The following SLC36A1 variants were observed in gnomAD, a reference collection of about 807,000 sequenced individuals.
SLC36A1 encodes solute carrier family 36 member 1.
Under a neutral mutation model 47.5 loss-of-function variants are expected in SLC36A1, and 30 were observed. That is an observed-to-expected ratio of 0.63 (90% CI 0.47 to 0.86). SLC36A1 has a LOEUF of 0.86. Among genes scored for constraint, SLC36A1 ranks in the 40% least tolerant of loss-of-function variants. SLC36A1 has a pLI of 0.00. For synonymous variants in SLC36A1, 255 were observed against 249.7 expected (o/e 1.02, Z -0.20); for missense variants, 517 against 606.0 (o/e 0.85, Z 1.54).
the SLC36A1 span, among the ~76,000 whole-genome samples, chr5:151,372,666 T>G: frequency 6.6e-6 from 1 of 152,154 alleles, no homozygotes; most frequent in Admixed American, 6.5e-5. Flanking sequence ...CAGGCTTATC[T>G]TGAACTTCTG....
intron 3 of SLC36A1, among the ~76,000 whole-genome samples, chr5:151,464,150 T>G (rs1755987015): frequency 6.6e-6 from 1 of 152,218 alleles, no homozygotes; most frequent in African/African-American, 2.4e-5. Flanking sequence ...GCAGTCTTTC[T>G]TGATCTGGCA....
chr5:151,350,643 G>C, the SLC36A1 span, among the ~76,000 whole-genome samples: 3 of 150,670 alleles, frequency 2.0e-5, no homozygotes, highest in Non-Finnish European at 4.5e-5. Context: ...TTAAAAAAAA[G>C]AGAATATTTC....
At chr5:151,540,655 A>T in the SLC36A1 span, 1 of 1,614,136 alleles carries the variant, frequency 6.2e-7, no homozygotes, top group Non-Finnish European at 8.5e-7. Context: ...AGATGCTGTG[A>T]CTCTGAGCAA....
chr5:151,347,515 G>A, the SLC36A1 span: 5 of 1,604,152 alleles, frequency 3.1e-6, no homozygotes, highest in Non-Finnish European at 4.3e-6. Context: ...TCTGGAAGGA[G>A]GGAAGCAGGA....
At chr5:151,361,861 T>C in the SLC36A1 span, among the ~76,000 whole-genome samples, 51 of 151,670 alleles carry the variant, frequency 3.4e-4, no homozygotes, top group South Asian at 1.2e-3. Context: ...TGGATGACAG[T>C]TTTTTTTTCT....
intron 10 of SLC36A1, among the ~76,000 whole-genome samples, chr5:151,483,078 A>G (rs899292064): frequency 6.6e-6 from 1 of 152,202 alleles, no homozygotes; most frequent in Non-Finnish European, 1.5e-5. Flanking sequence ...AAATAAAAGT[A>G]ACTTGGTAAG....
At chr5:151,377,540 G>T in the SLC36A1 span, among the ~76,000 whole-genome samples, 1 of 151,068 alleles carries the variant, frequency 6.6e-6, no homozygotes, top group Non-Finnish European at 1.5e-5. Flanking sequence ...GTAGAGACGG[G>T]GTTTCACCGT....
the SLC36A1 span, chr5:151,505,698 C>A: frequency 1.2e-6 from 2 of 1,613,950 alleles, no homozygotes; most frequent in Non-Finnish European, 1.7e-6. Flanking sequence ...ATAAGAGGGC[C>A]CAGCTCGGCT....
At chr5:151,499,810 A>G in the SLC36A1 span, among the ~76,000 whole-genome samples, 1 of 149,468 alleles carries the variant, frequency 6.7e-6, no homozygotes, top group African/African-American at 2.6e-5. Flanking sequence ...CAATTCTTAC[A>G]CCGTTTGTCC....
chr5:151,463,551 A>G lies in SLC36A1; in HGVS notation c.144-2A>G. The G allele has an allele frequency of 6.2e-7, 1 of 1,612,302 alleles. No homozygotes were observed. Among genetic ancestry groups the G allele is most frequent in the African/African-American group, 1.3e-5 (1 of 75,012 alleles). ...CATTTCCTTGGCTGTCTTCCACTTCAGATGGTTCCAGACCTTGATCCACCT... is the reference window on the plus strand; with the variant it reads ...CATTTCCTTGGCTGTCTTCCACTTCGGATGGTTCCAGACCTTGATCCACCT... On this transcript the variant is annotated splice_acceptor_variant, in intron 2 of 10. Coordinates refer to ENST00000243389, the MANE Select transcript of SLC36A1 (RefSeq NM_078483.4). LOFTEE classifies it high-confidence loss of function.
chr5:151,521,909 C>T, the SLC36A1 span: 1 of 1,613,896 alleles, frequency 6.2e-7, no homozygotes, highest in Non-Finnish European at 8.5e-7. Context: ...GTCAGCGTGT[C>T]CTGGGGGTCT....
chr5:151,427,935 T>C, the SLC36A1 span, among the ~76,000 whole-genome samples: 433 of 152,220 alleles, frequency 2.8e-3, 2 homozygotes, highest in African/African-American at 0.01. Context: ...CAGTTCTAGA[T>C]AGAAAATAGG....
At chr5:151,479,231 A>G in intron 9 of SLC36A1, 89 bp from the exon 10 acceptor site, 1 of 1,425,456 alleles carries the variant, frequency 7.0e-7, no homozygotes, top group African/African-American at 1.4e-5. Flanking sequence ...ATAAGTGTCA[A>G]CAAATCGCAA....
the SLC36A1 span, among the ~76,000 whole-genome samples, chr5:151,367,786 C>A: frequency 6.6e-6 from 1 of 152,180 alleles, no homozygotes; most frequent in South Asian, 2.1e-4. Flanking sequence ...TGTTCCTCTG[C>A]TGCAGCTTCA....
chr5:151,361,893 T>A, the SLC36A1 span, among the ~76,000 whole-genome samples: 35 of 152,314 alleles, frequency 2.3e-4, no homozygotes, highest in East Asian at 5.0e-3. Context: ...GAAAATGTTA[T>A]CCCATTGCCT....
At chr5:151,430,346 T>TTTTTTTTTTA in the SLC36A1 span, among the ~76,000 whole-genome samples, 21 of 148,432 alleles carry the variant, frequency 1.4e-4, no homozygotes, top group South Asian at 8.6e-4. Flanking sequence ...TTTTTTTTTT[T>TTTTTTTTTTA]GAGACTGAGC....
At chr5:151,531,831 G>A in the SLC36A1 span, 2 of 1,613,956 alleles carry the variant, frequency 1.2e-6, no homozygotes, top group Non-Finnish European at 8.5e-7. The surrounding 1 kb of genome is among the most constrained non-coding windows in gnomAD (Gnocchi z 5.7). Context: ...CCAGGTCAGA[G>A]GCACGGACCG....
upstream of SLC36A1, among the ~76,000 whole-genome samples, chr5:151,443,273 A>G (rs1313256174): frequency 2.0e-5 from 3 of 152,188 alleles, no homozygotes; most frequent in African/African-American, 7.2e-5. Context: ...GCACCAGTCT[A>G]CAGTCCCACC....
chr5:151,517,841 T>A, the SLC36A1 span: 1 of 1,548,208 alleles, frequency 6.5e-7, no homozygotes, highest in Non-Finnish European at 8.8e-7. Flanking sequence ...TTGTCTTATT[T>A]AATCCTTGGG....
Sources: allele counts gnomAD v4.1 joint callset (sites outside exome capture counted in the v4.1 genomes callset), GRCh38; gene constraint gnomAD v4.1.1; non-coding constraint Gnocchi (gnomAD v3.1); transcripts MANE v1.5; gene names NCBI Gene and HGNC (gene_info 2026-07-23, HGNC 2026-07-21).